The following MSRB3 variants were observed in gnomAD, a reference collection of about 807,000 sequenced individuals.
The protein encoded by MSRB3 is methionine-R-sulfoxide reductase B3.
Under a neutral mutation model 21.0 loss-of-function variants are expected in MSRB3, and 13 were observed. The ratio of observed to expected loss-of-function variants is 0.62; its 90% CI spans 0.40 to 0.98. The LOEUF is 0.98. Ranked by LOEUF, MSRB3 falls within the 50% of genes least tolerant of loss-of-function variation. The pLI, the probability that MSRB3 is intolerant of heterozygous loss-of-function variation, is 0.00. For missense variants in MSRB3, 199 were observed against 230.3 expected (o/e 0.86, Z 0.88); for synonymous variants, 87 against 88.6 (o/e 0.98, Z 0.10).
At chr12:65,283,427 C>A (rs886842901) in intron 1 of MSRB3, among the ~76,000 whole-genome samples, 1 of 151,808 alleles carries the variant, frequency 6.6e-6, no homozygotes, top group Non-Finnish European at 1.5e-5. Flanking sequence ...CAGTGAATCA[C>A]CTAGAATTTT....
At chr12:65,446,400 C>G (rs1417570404) in intron 5 of MSRB3, among the ~76,000 whole-genome samples, 2 of 152,114 alleles carry the variant, frequency 1.3e-5, no homozygotes, top group Non-Finnish European at 2.9e-5. Context: ...AAAACTTACA[C>G]TGATTTTGAT....
intron 4 of MSRB3, among the ~76,000 whole-genome samples, chr12:65,329,778 T>C (rs1875292686): frequency 6.6e-6 from 1 of 152,224 alleles, no homozygotes; most frequent in African/African-American, 2.4e-5. Flanking sequence ...TGTTTCTCTT[T>C]TAAAAAACCA....
intron 4 of MSRB3, among the ~76,000 whole-genome samples, chr12:65,362,331 A>T (rs940267831): frequency 6.6e-6 from 1 of 152,186 alleles, no homozygotes; most frequent in Non-Finnish European, 1.5e-5. Flanking sequence ...TCATGCAGAA[A>T]AATCCTTTCT....
intron 1 of MSRB3, among the ~76,000 whole-genome samples, chr12:65,292,721 A>C (rs1872732141): frequency 1.3e-5 from 2 of 152,104 alleles, no homozygotes; most frequent in African/African-American, 4.8e-5. Context: ...GGAAAAGATG[A>C]GCAGCAGCCC....
intron 1 of MSRB3, chr12:65,279,276 G>A (rs1294653190): frequency 2.3e-5 from 4 of 170,874 alleles, no homozygotes; most frequent in African/African-American, 4.8e-5. Context: ...GACCCTGCCG[G>A]GGTTGCCGCT....
At chr12:65,329,749 CT>C (rs780674411) in intron 4 of MSRB3, among the ~76,000 whole-genome samples, 29 of 152,196 alleles carry the variant, frequency 1.9e-4, no homozygotes, top group Middle Eastern at 3.4e-3. Context: ...CTAAAACACA[CT>C]TAATATCTCT....
intron 2 of MSRB3, among the ~76,000 whole-genome samples, chr12:65,324,628 G>A (rs565839939): frequency 5.9e-5 from 9 of 151,982 alleles, no homozygotes; most frequent in East Asian, 1.9e-4. Flanking sequence ...TATTCTCTTC[G>A]GAAAAGAGAG....
At chr12:65,434,011 T>G (rs1264709423) in intron 5 of MSRB3, among the ~76,000 whole-genome samples, 1 of 151,984 alleles carries the variant, frequency 6.6e-6, no homozygotes, top group African/African-American at 2.4e-5. Flanking sequence ...TTTGAGGTGC[T>G]TACTTTTCTA....
At chr12:65,413,624 C>A (rs766765488) in intron 5 of MSRB3, among the ~76,000 whole-genome samples, 1 of 152,134 alleles carries the variant, frequency 6.6e-6, no homozygotes, top group African/African-American at 2.4e-5. Flanking sequence ...GTGACAATCA[C>A]TGTTATTGGT....
chr12:65,371,181 A>T (rs1275778811), intron 5 of MSRB3, among the ~76,000 whole-genome samples: 1 of 152,134 alleles, frequency 6.6e-6, no homozygotes, highest in African/African-American at 2.4e-5. Flanking sequence ...CAAAATAATT[A>T]GCTGGGCGTG....
chr12:65,350,234 A>T (rs944379574), intron 4 of MSRB3, among the ~76,000 whole-genome samples: 249 of 151,508 alleles, frequency 1.6e-3, no homozygotes, highest in Admixed American at 3.9e-3. Flanking sequence ...ATGCGGCGTT[A>T]TTTCTGAGGG....
At chr12:65,291,418 G>A (rs1365626856) in intron 1 of MSRB3, among the ~76,000 whole-genome samples, 1 of 150,588 alleles carries the variant, frequency 6.6e-6, no homozygotes, top group Non-Finnish European at 1.5e-5. Context: ...ATGTCTTAAA[G>A]TTTTTCCAAG....
chr12:65,462,644 C>G (rs1341398978), intron 6 of MSRB3, among the ~76,000 whole-genome samples: 1 of 152,210 alleles, frequency 6.6e-6, no homozygotes, highest in Non-Finnish European at 1.5e-5. Flanking sequence ...CTTGCCATTG[C>G]TTCGCTGGGT....
At chr12:65,353,873 C>A (rs1035023301) in intron 4 of MSRB3, among the ~76,000 whole-genome samples, 2 of 151,874 alleles carry the variant, frequency 1.3e-5, no homozygotes, top group Admixed American at 1.3e-4. Flanking sequence ...CTGGTTGTTC[C>A]TTTTCATGTT....
At chr12:65,463,100 T>C (rs1883402562) in intron 6 of MSRB3, 55 bp from the exon 7 acceptor site, 1 of 1,607,768 alleles carries the variant, frequency 6.2e-7, no homozygotes, top group Non-Finnish European at 8.5e-7. Context: ...TGTGAATTCC[T>C]CTCAAAGCCT....
intron 4 of MSRB3, among the ~76,000 whole-genome samples, chr12:65,335,208 T>C (rs1040412173): frequency 1.3e-5 from 2 of 152,166 alleles, no homozygotes; most frequent in African/African-American, 4.8e-5. Context: ...TAAATACAAG[T>C]GGCCTGTCCA....
At chr12:65,392,571 G>T (rs1458360583) in intron 5 of MSRB3, among the ~76,000 whole-genome samples, 2 of 152,212 alleles carry the variant, frequency 1.3e-5, no homozygotes, top group African/African-American at 4.8e-5. Flanking sequence ...CCCCAATTCA[G>T]TCCTTCTTGT....
intron 1 of MSRB3, among the ~76,000 whole-genome samples, chr12:65,288,988 A>T (rs1379415966): frequency 6.6e-6 from 1 of 152,230 alleles, no homozygotes; most frequent in African/African-American, 2.4e-5. Flanking sequence ...GAATATTTTA[A>T]AAAAATCTGG....
chr12:65,372,838 A>T (rs1477950789), intron 5 of MSRB3, among the ~76,000 whole-genome samples: 2 of 152,170 alleles, frequency 1.3e-5, no homozygotes, highest in South Asian at 2.1e-4. Flanking sequence ...AAAAGAACTT[A>T]CTGGCTTTGC....
Sources: allele counts gnomAD v4.1 joint callset (sites outside exome capture counted in the v4.1 genomes callset), GRCh38; gene constraint gnomAD v4.1.1; transcripts MANE v1.5; gene names NCBI Gene and HGNC (gene_info 2026-07-23, HGNC 2026-07-21).